The following FAT1 variants were observed in gnomAD, a reference collection of about 807,000 sequenced individuals.
FAT1 encodes the protein protocadherin Fat 1.
In FAT1, 171 loss-of-function variants were observed where a neutral mutation model predicts 329.8. The ratio of observed to expected loss-of-function variants is 0.52; its 90% CI spans 0.46 to 0.59. The LOEUF is 0.59. Ranked by LOEUF, FAT1 falls within the 20% of genes least tolerant of loss-of-function variation. FAT1 has a pLI of 0.00. For missense variants in FAT1, 5,672 were observed against 5,774.4 expected (o/e 0.98, Z 0.57); for synonymous variants, 2,233 against 2,228.6 (o/e 1.00, Z -0.06).
rs2126357429 is a variant in FAT1 at position 186,589,171 on chromosome 4, G to A, written c.13188C>T (p.Asp4396=). The A allele has an allele frequency of 6.2e-7, 1 of 1,613,756 alleles. No individual in the cohort carries two copies. ...CCTCATAGTTGGGGAACTCTTGTAT[G>A]TCCGGCAGAGGAACGCTTGGCATCC... The part of the protein sequence containing the change: ...SDWMPSVPLP[D]IQEFPNYEVI... Residue 4396 remains aspartate (D), a synonymous_variant, in exon 27 of 27, where the codon GAC becomes GAT. Transcript: ENST00000441802.
At chr4:186,655,248 A>T (rs1281559322) in intron 3 of FAT1, among the ~76,000 whole-genome samples, 2 of 152,202 alleles carry the variant, frequency 1.3e-5, no homozygotes, top group Non-Finnish European at 2.9e-5. Context: ...TGATAAATTT[A>T]TTTTTAGTCA....
chr4:186,706,529 G>C (rs1356418125), intron 2 of FAT1, 34 bp downstream of exon 2: 2 of 1,534,624 alleles, frequency 1.3e-6, no homozygotes, highest in East Asian at 2.3e-5. Context: ...AAATGGAAAA[G>C]GGCATCAAAT....
At chr4:186,610,519 T>A (rs528877337) in intron 14 of FAT1, among the ~76,000 whole-genome samples, 7 of 149,772 alleles carry the variant, frequency 4.7e-5, no homozygotes, top group Admixed American at 1.3e-4. Context: ...TTTTAAACAA[T>A]TCCTTTTAAC....
At position 186,589,101 on chromosome 4, in the gene FAT1, T is replaced by C. The variant is rs760581601; in HGVS notation, c.13258A>G (p.Ile4420Val). 2 of 1,613,946 alleles carry C rather than the reference T, an allele frequency of 1.2e-6. No homozygotes were observed. The highest frequency in any genetic ancestry group is 1.7e-6 in the Non-Finnish European group (2 of 1,179,876). ...CCTCCAGGGTAATAGTCCGTATCGA[T>C]GGCGTTTGGATCTGCTGAGTACAGG... ...TPLYSADPNA[I>V]DTDYYPGGYD... is the part of the protein sequence containing the mutation. Residue 4420 changes from isoleucine (I) to valine (V), a missense_variant, in exon 27 of 27, where the codon ATC becomes GTC. By Grantham distance (29) the Ile-to-Val change is conservative. Around this residue, in one of 2 missense-constraint regions of FAT1, gnomAD observed 1,706 missense variants for 1,859.1 expected, o/e 0.92. Coordinates refer to ENST00000441802, the MANE Select transcript of FAT1 (RefSeq NM_005245.4).
chr4:186,660,591 C>T (rs962181312), intron 3 of FAT1, among the ~76,000 whole-genome samples: 1 of 152,222 alleles, frequency 6.6e-6, no homozygotes, highest in Non-Finnish European at 1.5e-5. Context: ...CCTCCTGCCG[C>T]CCTGCCAGCG....
At chr4:186,687,280 C>G (rs1419385208) in intron 2 of FAT1, among the ~76,000 whole-genome samples, 1 of 152,174 alleles carries the variant, frequency 6.6e-6, no homozygotes, top group African/African-American at 2.4e-5. Context: ...ACTCATAAAT[C>G]TGCCATCATT....
chr4:186,688,442 A>G (rs1416566461), intron 2 of FAT1, among the ~76,000 whole-genome samples: 1 of 152,106 alleles, frequency 6.6e-6, no homozygotes, highest in Non-Finnish European at 1.5e-5. Context: ...GTCCTTTCAC[A>G]GGGGCTTCGG....
At position 186,600,856 on chromosome 4, in the gene FAT1, G is replaced by A. The variant is rs181524403; in HGVS notation, c.11640+413C>T. Among the ~76,000 whole-genome samples, 1,236 of 152,270 alleles carry A rather than the reference G, an allele frequency of 8.1e-3. 19 individuals are homozygous for A. The highest frequency in any genetic ancestry group is 0.028 in the African/African-American group (1,158 of 41,552). On this transcript the variant is annotated intron_variant, in intron 21 of 26. Coordinates refer to ENST00000441802, the MANE Select transcript of FAT1 (RefSeq NM_005245.4). ...CTCCTGAGTAGCTGGAATTACAGGC[G>A]TCCGCCACCAAGTCTGGCTAATTTT...
rs369383837 is a variant in FAT1, at chr4:186,620,464, C to G, written c.6122G>C (p.Arg2041Pro). 2 of 1,614,008 alleles carry G rather than the reference C, an allele frequency of 1.2e-6. No individual in the cohort carries two copies. The highest frequency in any genetic ancestry group is 1.7e-6 in the Non-Finnish European group (2 of 1,179,904). ...VLSTTGTPFD[R>P]EQQEAFDVVV... ...CACATCAAACGCCTCCTGCTGCTCA[C>G]GATCGAAGGGCGTGCCAGTGGTTGA... Residue 2041 changes from arginine to proline, a missense_variant, in exon 10 of 27, where the codon CGT (arginine) becomes CCT (proline). Physicochemically the swap from Arg to Pro is moderately radical, Grantham distance 103. Around this residue, in one of 2 missense-constraint regions of FAT1, gnomAD observed 3,966 missense variants for 3,915.2 expected, o/e 1.01. Transcript: ENST00000441802.
rs769520735 is a variant in FAT1, at chr4:186,707,373, G to C, written c.2455C>G (p.Pro819Ala). 6.8e-6 allele frequency: 11 copies of C among 1,613,846 alleles called. No homozygotes were observed. In the African/African-American group the frequency reaches 1.3e-4, roughly 20 times the overall value. The change falls in exon 2 of 27, where the codon CCA (proline) becomes GCA (alanine). Residue 819 changes from proline (P) to alanine (A), a missense_variant. Pro to Ala is a conservative substitution (Grantham distance 27). This residue lies in a region of FAT1 where 3,966 missense variants were observed against 3,915.2 expected (regional missense o/e 1.01). Transcript: ENST00000441802. ...HVVVVDANDN[P>A]PEFLQESYFV... ...TAGCTCTCCTGTAAAAACTCGGGTG[G>C]ATTATCATTGGCATCGACAACCACG...
chr4:186,590,853 T>A (rs1024854110), intron 26 of FAT1, among the ~76,000 whole-genome samples: 1 of 152,242 alleles, frequency 6.6e-6, no homozygotes, highest in Non-Finnish European at 1.5e-5. Flanking sequence ...GGACATTAAA[T>A]TCAGAGGAAT....
In FAT1 at chr4:186,618,168, G is replaced by A. The variant is rs764977433; in HGVS notation, c.8418C>T (p.Ser2806=). The A allele has an allele frequency of 3.1e-6, 5 of 1,613,986 alleles. No homozygotes were observed. The Admixed American group carries it at 5.0e-5, about 16-fold the overall frequency. The change falls in exon 10 of 27, where the codon AGC becomes AGT. Residue 2806 remains serine (S), a synonymous_variant. Coordinates refer to ENST00000441802, the MANE Select transcript of FAT1 (RefSeq NM_005245.4). The stretch of plus-strand genomic sequence containing the variant: ...CATATGGACTAGATTCAAAGACCGG[G>A]CTGTTGTCATTTGCATCTTTCACTT... ...SIQVKDANDN[S]PVFESSPYEA...
rs1372071821 is a variant in FAT1 at position 186,619,531 on chromosome 4, T to G, written c.7055A>C (p.Gln2352Pro). The G allele has an allele frequency of 6.2e-7, 1 of 1,614,020 alleles. No individual in the cohort carries two copies. Among genetic ancestry groups the G allele is most frequent in the Admixed American group, 1.7e-5 (1 of 60,026 alleles). Residue 2352 changes from glutamine (Q) to proline (P), a missense_variant, in exon 10 of 27, where the codon CAG becomes CCG. Gln to Pro is a moderately conservative substitution (Grantham distance 76). Coordinates refer to ENST00000441802, the MANE Select transcript of FAT1 (RefSeq NM_005245.4). The part of the protein sequence containing the change: ...ISLLRTLDYE[Q>P]SRQHTIFVRA... ...CACAAAAATCGTGTGCTGCCGGGAC[T>G]GCTCGTAATCCAGGGTTCTGAGTAG...
chr4:186,640,181 T>C (rs1741028418), intron 3 of FAT1, among the ~76,000 whole-genome samples: 1 of 152,206 alleles, frequency 6.6e-6, no homozygotes, highest in Admixed American at 6.5e-5. Context: ...GCAAATTTCT[T>C]CTCAAGAAAA....
rs150074587 is a variant in FAT1, at chr4:186,710,334, G to A, written c.-18-489C>T. On this transcript the variant is annotated intron_variant, in intron 1 of 26. Coordinates refer to ENST00000441802, the MANE Select transcript of FAT1 (RefSeq NM_005245.4). ...CTAATTCAGAAAAAAACAAAAACCA[G>A]CAGTGGTTTTACATGGCGCTCCATA... 5.9e-5 allele frequency among the ~76,000 whole-genome samples: 9 copies of A among 152,186 alleles called. No individual in the cohort carries two copies. In the East Asian group the frequency reaches 1.7e-3, roughly 29 times the overall value.
chr4:186,621,428 T>C lies in FAT1; in HGVS notation c.5158A>G (p.Ile1720Val). 6.2e-7 allele frequency: 1 copy of C among 1,614,056 alleles called. No individual in the cohort carries two copies. Among genetic ancestry groups the C allele is most frequent in the East Asian group, 2.2e-5 (1 of 44,886 alleles). ...TCAAAGTCCAGGGCTTTCTGAGTGA[T>C]GATAGTTCCAGAATGTGGATTAATA... is the stretch of plus-strand genomic sequence containing the variant. ...FDINPHSGTI[I>V]TQKALDFETL... Residue 1720 changes from isoleucine to valine, a missense_variant, in exon 10 of 27, where the codon ATC (isoleucine) becomes GTC (valine). Physicochemically the swap from Ile to Val is conservative, Grantham distance 29. Transcript: ENST00000441802.
At chr4:186,723,499 C>T (rs327083) in intron 1 of FAT1, among the ~76,000 whole-genome samples, 165 bp downstream of exon 1, 34,117 of 152,140 alleles carry the variant, frequency 0.22, 4,902 homozygotes, top group African/African-American at 0.4. Context: ...AATTTCCCAA[C>T]TGGGAAGGAC....
intron 2 of FAT1, among the ~76,000 whole-genome samples, chr4:186,687,150 G>A (rs1464002925): frequency 6.6e-6 from 1 of 152,094 alleles, no homozygotes; most frequent in Admixed American, 6.6e-5. Context: ...CAGAGAATAT[G>A]ATCCCAAAAA....
chr4:186,688,894 T>C (rs75565375), intron 2 of FAT1, among the ~76,000 whole-genome samples: 12,347 of 151,966 alleles, frequency 0.081, 648 homozygotes, highest in African/African-American at 0.14. Context: ...GCAATAAATA[T>C]AAAGCAGAAA....
Sources: allele counts gnomAD v4.1 joint callset (sites outside exome capture counted in the v4.1 genomes callset), GRCh38; gene constraint gnomAD v4.1.1; regional missense constraint gnomAD v4.1.1; transcripts MANE v1.5; gene names NCBI Gene and HGNC (gene_info 2026-07-23, HGNC 2026-07-21).